Variants in NFIA observed in about 807,000 individuals in gnomAD.
The protein encoded by NFIA is nuclear factor I A.
Under a neutral mutation model 62.8 loss-of-function variants are expected in NFIA, and 8 were observed. The ratio of observed to expected loss-of-function variants is 0.13; its 90% confidence interval spans 0.07 to 0.23. The LOEUF (loss-of-function observed/expected upper bound fraction) is 0.23, where lower values mean the gene tolerates loss of function less well. Ranked by LOEUF, NFIA falls within the 10% of genes least tolerant of loss-of-function variation. The pLI is 1.00. For missense variants in NFIA, 410 were observed against 642.1 expected (o/e 0.64, Z 3.91); for synonymous variants, 235 against 238.1 (o/e 0.99, Z 0.12).
chr1:61,287,405 G>T (rs1180675618), intron 3 of NFIA, among the ~76,000 whole-genome samples: 1 of 152,164 alleles, frequency 6.6e-6, no homozygotes, highest in Non-Finnish European at 1.5e-5. Context: ...CAAAATGGAG[G>T]TCGAAATCTG....
intron 10 of NFIA, among the ~76,000 whole-genome samples, chr1:61,446,028 A>G (rs1277623707): frequency 6.7e-6 from 1 of 150,002 alleles, no homozygotes; most frequent in Non-Finnish European, 1.5e-5. Flanking sequence ...GAACGATTAG[A>G]AAAAAAAAAT....
intron 2 of NFIA, among the ~76,000 whole-genome samples, chr1:61,256,237 A>G (rs1016084585): frequency 1.3e-5 from 2 of 152,098 alleles, no homozygotes; most frequent in African/African-American, 4.8e-5. Context: ...GTTCAAGACC[A>G]GCCTGGCCAA....
In NFIA at chr1:61,461,547, C is replaced by G. The variant is rs541329480; in HGVS notation, c.*6227C>G. 1.1e-4 allele frequency: 16 copies of G among 152,132 alleles called. No individual in the cohort carries two copies. Among genetic ancestry groups the G allele is most frequent in the African/African-American group, 3.9e-4 (16 of 41,494 alleles). The allele number at this position is 152,132 out of a possible 1,614,324, so 9.4% of individuals were successfully genotyped here. On this transcript the variant is annotated 3_prime_UTR_variant, in exon 11 of 11. Transcript: ENST00000403491. ...TTTATTCCCCAAAGAGTTACCTTTCCCAGATTAGGGGGATGGTATGTGGGG... is the reference window on the plus strand; with the variant it reads ...TTTATTCCCCAAAGAGTTACCTTTCGCAGATTAGGGGGATGGTATGTGGGG...
intron 2 of NFIA, among the ~76,000 whole-genome samples, chr1:61,232,417 T>G (rs542784293): frequency 1.3e-5 from 2 of 152,334 alleles, no homozygotes; most frequent in Admixed American, 6.5e-5. Context: ...CATAAAAGTT[T>G]TATTGCCATG....
chr1:61,112,248 T>C (rs918034257), intron 2 of NFIA, among the ~76,000 whole-genome samples: 1 of 152,114 alleles, frequency 6.6e-6, no homozygotes, highest in African/African-American at 2.4e-5. Flanking sequence ...ATTTCTCTAT[T>C]CTTTTTAGAA....
At chr1:61,445,335 C>T (rs1188088315) in intron 10 of NFIA, among the ~76,000 whole-genome samples, 1 of 152,086 alleles carries the variant, frequency 6.6e-6, no homozygotes, top group Non-Finnish European at 1.5e-5. Context: ...CATCAAGAAG[C>T]CTCCCCCTCA....
rs536319532 is a variant in NFIA, at chr1:61,441,966, GGGTCTTGCATT to G, written c.1513-13335_1513-13325del. Reference sequence around the variant, plus strand: ...AGGCGGTTTGCTTGGCTCATCCCTTGGGTCTTGCATTGCAGTGACCTTTGTAAGCCAAGAAC... The same window carrying G: ...AGGCGGTTTGCTTGGCTCATCCCTTGGCAGTGACCTTTGTAAGCCAAGAAC... On this transcript the variant is annotated intron_variant, in intron 10 of 10. Transcript: ENST00000403491. Among the ~76,000 whole-genome samples the G allele has an allele frequency of 3.9e-3, 589 of 150,036 alleles. 1 individual carries two copies. The highest frequency in any genetic ancestry group is 6.6e-3 in the Non-Finnish European group (444 of 67,696).
intron 4 of NFIA, among the ~76,000 whole-genome samples, chr1:61,335,913 G>A (rs2100400264): frequency 1.3e-5 from 2 of 152,214 alleles, no homozygotes; most frequent in South Asian, 4.2e-4. Context: ...TGTTAGGAGT[G>A]TGATGTCATA....
At chr1:61,190,039 A>G (rs1651509980) in intron 2 of NFIA, among the ~76,000 whole-genome samples, 1 of 152,250 alleles carries the variant, frequency 6.6e-6, no homozygotes, top group Non-Finnish European at 1.5e-5. Context: ...GTGATATTAA[A>G]GAATAATGAT....
intron 7 of NFIA, among the ~76,000 whole-genome samples, chr1:61,387,879 A>G (rs567393154): frequency 1.3e-5 from 2 of 152,360 alleles, no homozygotes; most frequent in African/African-American, 4.8e-5. Flanking sequence ...AGAAATGTCC[A>G]AGACATGGAA....
At chr1:61,222,541 A>T (rs1476244306) in intron 2 of NFIA, among the ~76,000 whole-genome samples, 1 of 152,092 alleles carries the variant, frequency 6.6e-6, no homozygotes, top group East Asian at 1.9e-4. Context: ...GGAAAAGAAG[A>T]GAATTGAGCC....
At chr1:61,251,290 C>T (rs1228639197) in intron 2 of NFIA, 2 of 152,168 alleles carry the variant, frequency 1.3e-5, no homozygotes, top group Non-Finnish European at 2.9e-5. Context: ...CACACCTTGT[C>T]GAAGTGGGAA....
intron 2 of NFIA, among the ~76,000 whole-genome samples, chr1:61,233,779 A>G (rs1406933953): frequency 6.6e-6 from 1 of 152,186 alleles, no homozygotes; most frequent in African/African-American, 2.4e-5. Context: ...TGCTCAATCA[A>G]TAATTACACT....
chr1:61,298,909 T>C (rs1465865446), intron 3 of NFIA, among the ~76,000 whole-genome samples: 2 of 152,238 alleles, frequency 1.3e-5, no homozygotes, highest in African/African-American at 4.8e-5. Flanking sequence ...TGCGTTAACT[T>C]GGAAAATAAG....
chr1:61,300,015 G>A (rs899593699), intron 3 of NFIA, among the ~76,000 whole-genome samples: 1 of 152,034 alleles, frequency 6.6e-6, no homozygotes, highest in Non-Finnish European at 1.5e-5. Flanking sequence ...CCCAGTAAAA[G>A]TTTCTGGAAC....
intron 2 of NFIA, among the ~76,000 whole-genome samples, chr1:61,193,066 T>C (rs116243582): frequency 6.6e-6 from 1 of 152,222 alleles, no homozygotes; most frequent in Non-Finnish European, 1.5e-5. Context: ...TAGCCTAGTA[T>C]AGCGTTCAAA....
intron 6 of NFIA, among the ~76,000 whole-genome samples, chr1:61,373,112 G>A: frequency 6.6e-6 from 1 of 152,114 alleles, no homozygotes; most frequent in East Asian, 1.9e-4. Flanking sequence ...CACAACGCTA[G>A]CTTCCCACTT....
chr1:61,379,402 C>CTTTTTTTTTTT (rs60735193), intron 6 of NFIA, among the ~76,000 whole-genome samples: 26 of 98,240 alleles, frequency 2.6e-4, no homozygotes, highest in East Asian at 6.9e-4. Context: ...TTTTCTTTTT[C>CTTTTTTTTTTT]TTTTTTTTTT....
chr1:61,243,469 A>T (rs547164325), intron 2 of NFIA, among the ~76,000 whole-genome samples: 18 of 152,286 alleles, frequency 1.2e-4, no homozygotes, highest in African/African-American at 4.3e-4. Flanking sequence ...AAGAGTCCAC[A>T]CCTCATTACA....
Sources: allele counts gnomAD v4.1 joint callset (sites outside exome capture counted in the v4.1 genomes callset), GRCh38; gene constraint gnomAD v4.1.1; transcripts MANE v1.5; gene names NCBI Gene and HGNC (gene_info 2026-07-23, HGNC 2026-07-21).